DTD1: variants seen among roughly 807,000 people sequenced by gnomAD.
DTD1 encodes the protein D-aminoacyl-tRNA deacylase 1, also known as D-tyrosyl-tRNA deacylase 1 homolog.
DTD1 carries 13 observed loss-of-function variants against 25.6 expected under a neutral mutation model. The ratio of observed to expected loss-of-function variants is 0.51; its 90% CI spans 0.33 to 0.81. The LOEUF is 0.81. Ranked by LOEUF, DTD1 falls within the 30% of genes least tolerant of loss-of-function variation. The probability of loss-of-function intolerance (pLI) is 0.02; values close to 1 mark genes in which losing one functional copy is unlikely to be tolerated. For synonymous variants in DTD1, 110 were observed against 103.6 expected, an observed-to-expected ratio of 1.06 and a Z score of -0.37; for missense variants, 193 against 266.4, an observed-to-expected ratio of 0.72 and a Z score of 1.92.
In DTD1 at chr20:18,749,832, C is replaced by G. The variant is rs913919166; in HGVS notation, c.*19+5561C>G. On this transcript the variant is annotated intron_variant, in intron 5 of 5. Coordinates refer to ENST00000377452, the MANE Select transcript of DTD1 (RefSeq NM_080820.6). The surrounding 1 kb of genome is among the most constrained non-coding windows in gnomAD (Gnocchi z 4.2). ...AGCCTCTGTCTGGTCAGGAACGCCC[C>G]TATTGCTACTCAGCGCATGGAGGCT... Among the ~76,000 whole-genome samples, 7 of 152,186 alleles carry G rather than the reference C, an allele frequency of 4.6e-5. No individual in the cohort carries two copies. In the East Asian group the frequency reaches 1.3e-3, roughly 29 times the overall value.
chr20:18,697,253 A>G (rs1375596103), intron 4 of DTD1, among the ~76,000 whole-genome samples: 1 of 152,008 alleles, frequency 6.6e-6, no homozygotes, highest in African/African-American at 2.4e-5. Flanking sequence ...AAAATTATTT[A>G]AAGCAACATT....
At chr20:18,647,969 G>T (rs1018313264) in intron 4 of DTD1, among the ~76,000 whole-genome samples, 7 of 152,276 alleles carry the variant, frequency 4.6e-5, no homozygotes, top group Middle Eastern at 3.4e-3. Flanking sequence ...CCCACATCAG[G>T]AGCAGGGCTT....
Position 18,764,376 on chromosome 20 carries a change from G to A in DTD1, c.*1036G>A, listed in dbSNP as rs1047581925. The A allele has an allele frequency of 6.6e-6, 1 of 152,150 alleles. No individual in the cohort carries two copies. Among genetic ancestry groups the A allele is most frequent in the Non-Finnish European group, 1.5e-5 (1 of 68,016 alleles). 9.4% of individuals were successfully genotyped at this position (152,150 alleles called of 1,614,324 possible). On this transcript the variant is annotated 3_prime_UTR_variant, in exon 6 of 6. Coordinates refer to ENST00000377452, the MANE Select transcript of DTD1 (RefSeq NM_080820.6). ...TCAGTTAAATTTCAGTCTACTGGTG[G>A]CACACTCAGAGTAGTCATTTTTTGA...
chr20:18,718,804 G>T (rs969467575), intron 4 of DTD1, among the ~76,000 whole-genome samples: 2 of 152,172 alleles, frequency 1.3e-5, no homozygotes, highest in African/African-American at 4.8e-5. Context: ...AAGTTAAGGA[G>T]AACTTATTTT....
chr20:18,738,064 C>A (rs973505402), intron 4 of DTD1, among the ~76,000 whole-genome samples: 2 of 152,178 alleles, frequency 1.3e-5, no homozygotes, highest in Non-Finnish European at 2.9e-5. Context: ...AATTATTTTT[C>A]CAGTGGACAG....
At chr20:18,621,957 G>A (rs940734430) in intron 3 of DTD1, among the ~76,000 whole-genome samples, 8 of 152,022 alleles carry the variant, frequency 5.3e-5, no homozygotes, top group South Asian at 2.1e-4. Context: ...CCAGCTACTC[G>A]GGAGGCTGAG....
At chr20:18,736,152 T>C (rs2061254255) in intron 4 of DTD1, among the ~76,000 whole-genome samples, 1 of 152,198 alleles carries the variant, frequency 6.6e-6, no homozygotes, top group Non-Finnish European at 1.5e-5. Flanking sequence ...TGGCTAAATC[T>C]AGTGCTTAAT....
intron 3 of DTD1, among the ~76,000 whole-genome samples, chr20:18,607,420 A>G (rs1039972218): frequency 3.9e-5 from 6 of 152,086 alleles, no homozygotes; most frequent in African/African-American, 1.4e-4. Flanking sequence ...CTAGGCCCCA[A>G]AGTGCTGGGA....
chr20:18,700,645 T>C (rs538500153), intron 4 of DTD1, among the ~76,000 whole-genome samples: 1 of 152,284 alleles, frequency 6.6e-6, no homozygotes, highest in South Asian at 2.1e-4. Flanking sequence ...ACTCAATATG[T>C]ACTTGTTTAT....
rs2060911121 is a variant in DTD1, at chr20:18,661,581, C to CA, written c.477+33349dup. On this transcript the variant is annotated intron_variant, in intron 4 of 5. Coordinates refer to ENST00000377452, the MANE Select transcript of DTD1 (RefSeq NM_080820.6). ...AGAGACGGGGTTTCACCGTGTTAGCCAGGATGGTTTTGATCTCCTGACCTC... is the reference window on the plus strand; with the variant it reads ...AGAGACGGGGTTTCACCGTGTTAGCCAAGGATGGTTTTGATCTCCTGACCTC... Among the ~76,000 whole-genome samples the CA allele has an allele frequency of 2.0e-4, 30 of 152,232 alleles. No homozygotes were observed. The South Asian group carries it at 6.0e-3, about 31-fold the overall frequency.
intron 5 of DTD1, among the ~76,000 whole-genome samples, chr20:18,748,242 C>A (rs1246578597): frequency 6.6e-6 from 1 of 151,974 alleles, no homozygotes; most frequent in African/African-American, 2.4e-5. Context: ...ATTTTCAAAA[C>A]AGCTTAAAAA....
At chr20:18,670,037 G>T (rs1167057404) in intron 4 of DTD1, among the ~76,000 whole-genome samples, 1 of 152,170 alleles carries the variant, frequency 6.6e-6, no homozygotes, top group Non-Finnish European at 1.5e-5. Context: ...CTGCAAATTA[G>T]CTTCCTTCTT....
rs185367999 is a variant in DTD1 at position 18,718,490 on chromosome 20, A to G, written c.478-25610A>G. Among the ~76,000 whole-genome samples the G allele has an allele frequency of 1.1e-3, 173 of 152,296 alleles. 1 individual carries two copies. The highest frequency in any genetic ancestry group is 1.4e-3 in the Non-Finnish European group (93 of 68,022). On this transcript the variant is annotated intron_variant, in intron 4 of 5. Coordinates refer to ENST00000377452, the MANE Select transcript of DTD1 (RefSeq NM_080820.6). ...CATGTTTACATTTGGAAAAATTAGA[A>G]CTGTGGAGCAAAGAGCTGCCTTTAG...
chr20:18,603,919 AAAATC>A (rs1374687608), intron 3 of DTD1, among the ~76,000 whole-genome samples: 2 of 19,664 alleles, frequency 1.0e-4, no homozygotes, highest in African/African-American at 3.5e-4. Context: ...AGAAATAACT[AAAATC>A]AGAGCAGAAC....
intron 4 of DTD1, among the ~76,000 whole-genome samples, chr20:18,697,744 GCGC>G (rs1289638309): frequency 6.6e-5 from 10 of 152,202 alleles, no homozygotes; most frequent in Admixed American, 2.0e-4. Context: ...GAGTGCAGTG[GCGC>G]TATCTCGGCT....
intron 4 of DTD1, among the ~76,000 whole-genome samples, chr20:18,646,058 G>A (rs1342761441): frequency 6.6e-6 from 1 of 152,172 alleles, no homozygotes; most frequent in East Asian, 1.9e-4. Context: ...CTGTTGTTAG[G>A]CGTCTACCTC....
intron 4 of DTD1, among the ~76,000 whole-genome samples, chr20:18,650,046 T>G (rs1167425688): frequency 1.3e-5 from 2 of 152,000 alleles, no homozygotes; most frequent in East Asian, 3.9e-4. Context: ...GACGTTATCT[T>G]TACAAAATTT....
intron 4 of DTD1, among the ~76,000 whole-genome samples, chr20:18,628,948 G>A (rs956401525): frequency 7.3e-5 from 11 of 151,256 alleles, no homozygotes; most frequent in Middle Eastern, 6.9e-3. Context: ...AGGGGACAGC[G>A]TGATAGAAAC....
At chr20:18,690,003 G>T (rs934949815) in intron 4 of DTD1, among the ~76,000 whole-genome samples, 1 of 88,460 alleles carries the variant, frequency 1.1e-5, no homozygotes, top group African/African-American at 3.7e-5. Flanking sequence ...AGGCGTGGTG[G>T]TGTGTGTCTG....
Sources: allele counts gnomAD v4.1 joint callset (sites outside exome capture counted in the v4.1 genomes callset), GRCh38; gene constraint gnomAD v4.1.1; non-coding constraint Gnocchi (gnomAD v3.1); transcripts MANE v1.5; gene names NCBI Gene and HGNC (gene_info 2026-07-23, HGNC 2026-07-21).